Variants in C1QTNF7 observed in about 807,000 individuals in gnomAD.
The protein encoded by C1QTNF7 is complement C1q tumor necrosis factor-related protein 7.
Under a neutral mutation model 19.6 loss-of-function variants are expected in C1QTNF7, and 15 were observed. The observed-to-expected ratio is 0.76, with a 90% CI of 0.51 to 1.18. C1QTNF7 has a LOEUF of 1.18. C1QTNF7 is among the 50% of genes most tolerant of loss of function. C1QTNF7 has a pLI of 0.00. For missense variants in C1QTNF7, 324 were observed against 359.7 expected, an observed-to-expected ratio of 0.90 and a Z score of 0.80; for synonymous variants, 142 against 137.5, an observed-to-expected ratio of 1.03 and a Z score of -0.23.
intron 1 of C1QTNF7, among the ~76,000 whole-genome samples, chr4:15,349,286 C>T (rs1359664831): frequency 6.6e-6 from 1 of 152,190 alleles, no homozygotes; most frequent in Non-Finnish European, 1.5e-5. Context: ...TCCTTCCTCT[C>T]TCTTCATCTT....
chr4:15,350,763 A>T (rs962951693), intron 1 of C1QTNF7, among the ~76,000 whole-genome samples: 25 of 152,230 alleles, frequency 1.6e-4, no homozygotes, highest in Non-Finnish European at 2.4e-4. Context: ...ACCTATTAAA[A>T]TCAAAGCACA....
chr4:15,429,562 T>C (rs1040974510), intron 1 of C1QTNF7, among the ~76,000 whole-genome samples: 1 of 152,246 alleles, frequency 6.6e-6, no homozygotes, highest in Non-Finnish European at 1.5e-5. Context: ...CATGTGTCAG[T>C]ATCTCCTTTC....
intron 1 of C1QTNF7, among the ~76,000 whole-genome samples, chr4:15,381,029 A>G (rs561315214): frequency 4.6e-5 from 7 of 152,364 alleles, no homozygotes; most frequent in African/African-American, 1.7e-4. Context: ...AAAATATGCC[A>G]TAAATTCCTA....
At chr4:15,414,064 A>G (rs1051281057) in intron 1 of C1QTNF7, among the ~76,000 whole-genome samples, 1 of 152,210 alleles carries the variant, frequency 6.6e-6, no homozygotes, top group Non-Finnish European at 1.5e-5. Context: ...TTCCTCACTC[A>G]TGGCAGCTAT....
chr4:15,427,543 C>A (rs527979517), upstream of C1QTNF7, among the ~76,000 whole-genome samples: 3 of 152,240 alleles, frequency 2.0e-5, no homozygotes, highest in Non-Finnish European at 4.4e-5. Context: ...CTTTGCACAG[C>A]ACATAGAATG....
chr4:15,439,559 A>T (rs1712668251), intron 2 of C1QTNF7, among the ~76,000 whole-genome samples: 1 of 152,224 alleles, frequency 6.6e-6, no homozygotes, highest in Non-Finnish European at 1.5e-5. Context: ...ACTTAGATCC[A>T]ATCTCCCCTT....
chr4:15,379,606 C>T (rs753422588), intron 1 of C1QTNF7, among the ~76,000 whole-genome samples: 2 of 152,178 alleles, frequency 1.3e-5, no homozygotes, highest in Non-Finnish European at 2.9e-5. Flanking sequence ...CACTCTGTCA[C>T]TCTGCTTTAG....
At position 15,393,213 on chromosome 4, in the gene C1QTNF7, G is replaced by A. The variant is rs572147374; in HGVS notation, c.14-42523G>A. ...TTTTGCCTTCCACCATGATTGTGAGGCCTCCCTAGCCATGTGGAAATGTGA... is the reference window on the plus strand; with the variant it reads ...TTTTGCCTTCCACCATGATTGTGAGACCTCCCTAGCCATGTGGAAATGTGA... On this transcript the variant is annotated intron_variant, in intron 1 of 2. Transcript: ENST00000295297. 1.0e-3 allele frequency among the ~76,000 whole-genome samples: 158 copies of A among 152,248 alleles called. 1 individual carries two copies. The highest frequency in any genetic ancestry group is 2.0e-3 in the Non-Finnish European group (138 of 68,006).
exon 1 of C1QTNF7, chr4:15,340,110 C>G: frequency 2.1e-6 from 3 of 1,449,846 alleles, no homozygotes; most frequent in Non-Finnish European, 2.8e-6. Flanking sequence ...CATATTTCTG[C>G]TTTAAATTTT....
intron 1 of C1QTNF7, among the ~76,000 whole-genome samples, chr4:15,432,393 C>T (rs563860274): frequency 3.0e-4 from 46 of 152,268 alleles, no homozygotes; most frequent in Middle Eastern, 3.4e-3. Context: ...ACACATTGTT[C>T]CTCAATTCTT....
upstream of C1QTNF7, among the ~76,000 whole-genome samples, chr4:15,424,805 C>CA (rs1171718924): frequency 1.8e-4 from 27 of 152,314 alleles, no homozygotes; most frequent in African/African-American, 6.5e-4. Context: ...TGGATTTTAA[C>CA]AAGTTCTAAG....
intron 1 of C1QTNF7, among the ~76,000 whole-genome samples, chr4:15,412,085 G>A (rs1322020040): frequency 1.3e-5 from 2 of 152,164 alleles, no homozygotes; most frequent in East Asian, 3.9e-4. Context: ...AACTGTGTAT[G>A]AGAGGGATCT....
chr4:15,382,992 C>A (rs1354849725), intron 1 of C1QTNF7, among the ~76,000 whole-genome samples: 1 of 152,194 alleles, frequency 6.6e-6, no homozygotes, highest in African/African-American at 2.4e-5. Flanking sequence ...TGCCCTCTTA[C>A]AGAAAACATT....
intron 1 of C1QTNF7, among the ~76,000 whole-genome samples, chr4:15,409,797 A>C (rs1335004500): frequency 6.6e-6 from 1 of 152,184 alleles, no homozygotes; most frequent in East Asian, 1.9e-4. Context: ...AATAGGACCC[A>C]CTTACCAGAG....
rs921565779 is a variant in C1QTNF7 at position 15,444,882 on chromosome 4, A to G, written c.*2083A>G. On this transcript the variant is annotated 3_prime_UTR_variant, in exon 3 of 3. Coordinates refer to ENST00000444304, the MANE Select transcript of C1QTNF7 (RefSeq NM_031911.5). Reference sequence around the variant, plus strand: ...GGAGAATCAATGGACCATATTTGTAAGAGCTTTGAAAGCCAGCCTGAGAAT... The same window carrying G: ...GGAGAATCAATGGACCATATTTGTAGGAGCTTTGAAAGCCAGCCTGAGAAT... 3.9e-5 allele frequency: 6 copies of G among 152,276 alleles called. No homozygotes were observed. The highest frequency in any genetic ancestry group is 1.4e-4 in the African/African-American group (6 of 41,464). The allele number at this position is 152,276 out of a possible 1,614,324, so 9.4% of individuals were successfully genotyped here.
At position 15,399,280 on chromosome 4, in the gene C1QTNF7, G is replaced by A. The variant is rs76821776; in HGVS notation, c.14-36456G>A. On this transcript the variant is annotated intron_variant, in intron 1 of 2. Coordinates refer to the C1QTNF7 transcript ENST00000295297. ...ACAGTTAACTTTCTGACCATCAGCT[G>A]ATGGTCACCTGACATTCCTAGTGGG... Among the ~76,000 whole-genome samples the A allele has an allele frequency of 2.4e-3, 364 of 152,240 alleles. 11 individuals carry two copies. In the East Asian group the frequency reaches 0.068, roughly 29 times the overall value.
At chr4:15,354,260 G>C (rs1381113451) in intron 1 of C1QTNF7, among the ~76,000 whole-genome samples, 2 of 152,176 alleles carry the variant, frequency 1.3e-5, no homozygotes, top group Non-Finnish European at 2.9e-5. Flanking sequence ...TGTTTGGTCA[G>C]TGAAGAATGT....
chr4:15,382,751 T>G (rs887268503), intron 1 of C1QTNF7, among the ~76,000 whole-genome samples: 1 of 152,158 alleles, frequency 6.6e-6, no homozygotes. Flanking sequence ...CAGACTTTCT[T>G]AAAAAAAGCC....
At chr4:15,373,520 A>T (rs1272351293) in intron 1 of C1QTNF7, among the ~76,000 whole-genome samples, 1 of 152,194 alleles carries the variant, frequency 6.6e-6, no homozygotes, top group Admixed American at 6.5e-5. Flanking sequence ...GATTCTAACC[A>T]CAACAAAATG....
Sources: gnomAD v4.1 joint callset for allele counts (sites outside exome capture counted in the v4.1 genomes callset) on GRCh38, gnomAD v4.1.1 for gene constraint, MANE v1.5 for transcripts, NCBI Gene and HGNC (gene_info 2026-07-23, HGNC 2026-07-21) for gene names.